Variants in XRCC1 observed in about 807,000 individuals in gnomAD.
XRCC1 encodes DNA repair protein XRCC1.
Under a neutral mutation model 83.3 loss-of-function variants are expected in XRCC1, and 52 were observed. The ratio of observed to expected loss-of-function variants is 0.62; its 90% CI spans 0.50 to 0.79. The LOEUF is 0.79. XRCC1 is among the 30% of genes least tolerant of loss of function. The pLI, the probability that XRCC1 is intolerant of heterozygous loss-of-function variation, is 0.00. For missense variants in XRCC1, 793 were observed against 823.5 expected (o/e 0.96, Z 0.45); for synonymous variants, 281 against 312.6 (o/e 0.90, Z 1.07).
chr19:43,570,293 T>TC (rs754063242), intron 2 of XRCC1, among the ~76,000 whole-genome samples: 4 of 152,190 alleles, frequency 2.6e-5, no homozygotes, highest in Non-Finnish European at 5.9e-5. Flanking sequence ...AAGCCACCCC[T>TC]CCAGCCCAGG....
intron 3 of XRCC1, among the ~76,000 whole-genome samples, chr19:43,558,181 A>C (rs570554948): frequency 6.6e-6 from 1 of 152,264 alleles, no homozygotes; most frequent in Admixed American, 6.5e-5. Context: ...CACACTGACT[A>C]GTGCAAAGTT....
chr19:43,565,734 G>A (rs1388866228), intron 2 of XRCC1, among the ~76,000 whole-genome samples: 6 of 151,948 alleles, frequency 3.9e-5, no homozygotes, highest in African/African-American at 9.7e-5. Context: ...CCAGGAGTTC[G>A]AGACCAGCCT....
chr19:43,551,464 T>C, intron 10 of XRCC1, 107 bp downstream of exon 10: 4 of 978,840 alleles, frequency 4.1e-6, no homozygotes, highest in Non-Finnish European at 6.3e-6. Context: ...GGCTCTGGGC[T>C]GGGACCACCT....
At chr19:43,550,072 G>GC (rs1236674346) in intron 10 of XRCC1, among the ~76,000 whole-genome samples, 1 of 151,942 alleles carries the variant, frequency 6.6e-6, no homozygotes, top group Non-Finnish European at 1.5e-5. Flanking sequence ...GCCTGCCCCT[G>GC]CCCCCATCAA....
In XRCC1 at chr19:43,575,409, G is replaced by A. The variant is rs981142785; in HGVS notation, c.50C>T (p.Ser17Leu). ...RHVVSCSSQDSTHCAENLLKA... is the reference protein window; with the variant it reads ...RHVVSCSSQDLTHCAENLLKA... ...ACCTCCCCCATGCAGGTCCCTCACCGAGTCCTGGCTGCTGCAGGACACGAC... is the reference window on the plus strand; with the variant it reads ...ACCTCCCCCATGCAGGTCCCTCACCAAGTCCTGGCTGCTGCAGGACACGAC... Residue 17 changes from serine to leucine, a missense_variant and splice_region_variant, in exon 1 of 17, where the codon TCG becomes TTG. Ser to Leu is a moderately radical substitution (Grantham distance 145). Transcript: ENST00000262887. 4 of 1,603,930 alleles carry A rather than the reference G, an allele frequency of 2.5e-6. No individual in the cohort carries two copies. Among genetic ancestry groups the A allele is most frequent in the Non-Finnish European group, 2.6e-6 (3 of 1,172,878 alleles).
intron 8 of XRCC1, 84 bp from the exon 9 acceptor site, chr19:43,552,359 C>A: frequency 9.6e-7 from 1 of 1,040,610 alleles, no homozygotes; most frequent in Non-Finnish European, 1.4e-6. Context: ...GCAGTCCAGG[C>A]CCCAGACCCT....
intron 3 of XRCC1, among the ~76,000 whole-genome samples, chr19:43,559,674 C>A (rs541258193): frequency 6.6e-6 from 1 of 152,112 alleles, no homozygotes; most frequent in East Asian, 1.9e-4. Flanking sequence ...AATCCCTGAA[C>A]CTGGAAATGT....
chr19:43,554,776 G>T lies in XRCC1; in HGVS notation c.284C>A (p.Ser95Tyr), dbSNP rs200146769. Residue 95 changes from serine to tyrosine, a missense_variant, in exon 4 of 17, where the codon TCC becomes TAC. By Grantham distance (144) the Ser-to-Tyr change is moderately radical. Transcript: ENST00000262887. Reference sequence around the variant, plus strand: ...TGAGCCACTGCGGCTCTCGGAAGGGGACATGAAAGATGAGGTGACCAGAAG... The same window carrying T: ...TGAGCCACTGCGGCTCTCGGAAGGGTACATGAAAGATGAGGTGACCAGAAG... Reference protein sequence around the residue: ...EVLLVTSSFMSPSESRSGSNP... With the variant: ...EVLLVTSSFMYPSESRSGSNP... The T allele has an allele frequency of 5.0e-6, 8 of 1,613,086 alleles. No homozygotes were observed. Among genetic ancestry groups the T allele is most frequent in the African/African-American group, 1.3e-5 (1 of 74,906 alleles).
At chr19:43,545,392 T>C (rs1487756769) in intron 14 of XRCC1, among the ~76,000 whole-genome samples, 1 of 152,182 alleles carries the variant, frequency 6.6e-6, no homozygotes, top group South Asian at 2.1e-4. Flanking sequence ...TGATGGCTGA[T>C]GTTAAAGCAG....
rs760991307 is a variant in XRCC1 at position 43,546,991 on chromosome 19, C to T, written c.1200-14G>A. ...GCCATGAGGTACCTAGGGGACAAATCGGGCCTCAGACAAACAGGCCCAAGG... is the reference window on the plus strand; with the variant it reads ...GCCATGAGGTACCTAGGGGACAAATTGGGCCTCAGACAAACAGGCCCAAGG... On this transcript the variant is annotated splice_polypyrimidine_tract_variant and intron_variant, in intron 10 of 16. Coordinates refer to ENST00000262887, the MANE Select transcript of XRCC1 (RefSeq NM_006297.3). The T allele has an allele frequency of 1.7e-5, 28 of 1,612,588 alleles. No individual in the cohort carries two copies. The Admixed American group carries it at 4.2e-4, about 24-fold the overall frequency.
intron 3 of XRCC1, among the ~76,000 whole-genome samples, chr19:43,558,384 C>T (rs1600053732): frequency 6.6e-6 from 1 of 151,734 alleles, no homozygotes; most frequent in East Asian, 1.9e-4. Context: ...ATGTGTAATC[C>T]TAGCACTTTG....
chr19:43,543,810 C>A lies in XRCC1; in HGVS notation c.1713-123G>T, dbSNP rs999823536. ...CCACCTATGCGCCTCTAGGTTGCCT[C>A]TAGGCTCCATTCTTTCATGTATCCA... On this transcript the variant is annotated intron_variant, in intron 15 of 16. Transcript: ENST00000262887. The A allele has an allele frequency of 4.8e-6, 4 of 841,942 alleles. No individual in the cohort carries two copies. The African/African-American group carries it at 6.8e-5, about 14-fold the overall frequency. The allele number at this position is 841,942 out of a possible 1,614,324, so 52.2% of individuals were successfully genotyped here.
chr19:43,566,303 T>C (rs1600058208), intron 2 of XRCC1, among the ~76,000 whole-genome samples: 3 of 147,588 alleles, frequency 2.0e-5, no homozygotes, highest in South Asian at 4.3e-4. Context: ...GAGGCAGAGG[T>C]TGGCAGATCA....
At chr19:43,563,635 C>A (rs2146064397) in intron 2 of XRCC1, among the ~76,000 whole-genome samples, 1 of 152,318 alleles carries the variant, frequency 6.6e-6, no homozygotes, top group East Asian at 1.9e-4. Flanking sequence ...ACCTCAGGGC[C>A]TCTGCACCTG....
chr19:43,551,980 A>G lies in XRCC1; in HGVS notation c.1082+37T>C, dbSNP rs376671447. On this transcript the variant is annotated intron_variant, in intron 9 of 16. Coordinates refer to ENST00000262887, the MANE Select transcript of XRCC1 (RefSeq NM_006297.3). ...GAGGAGACACAGGGAGCTGGGGGAG[A>G]AACTGCAGCGGCGCAGGGAGGGGGG... 31 of 1,607,546 alleles carry G rather than the reference A, an allele frequency of 1.9e-5. No homozygotes were observed. The African/African-American group carries it at 3.9e-4, about 20-fold the overall frequency.
At chr19:43,557,349 T>C (rs1446541703) in intron 3 of XRCC1, among the ~76,000 whole-genome samples, 1 of 151,292 alleles carries the variant, frequency 6.6e-6, no homozygotes, top group Non-Finnish European at 1.5e-5. Context: ...GCAGCCACTT[T>C]TGGTTGGGTA....
At chr19:43,551,434 G>C (rs1159250113) in intron 10 of XRCC1, 137 bp downstream of exon 10, 6 of 729,976 alleles carry the variant, frequency 8.2e-6, no homozygotes, top group Non-Finnish European at 1.4e-5. Context: ...CCCCTGCCCC[G>C]CTCCTCTCAG....
intron 3 of XRCC1, among the ~76,000 whole-genome samples, chr19:43,557,002 CA>C (rs1221729022): frequency 6.7e-6 from 1 of 148,900 alleles, no homozygotes; most frequent in East Asian, 2.0e-4. Flanking sequence ...AAGACTCTGC[CA>C]AAAAACAAAA....
Position 43,543,341 on chromosome 19 carries a change from C to CGTGTGTGTGTGT in XRCC1, c.*39_*50dup, listed in dbSNP as rs45592142. ...ACCAACTCATCTTTATTAAATGCATCGTGTGTGTGTGTGTGTGTGTGTGTG... is the reference window on the plus strand; with the variant it reads ...ACCAACTCATCTTTATTAAATGCATCGTGTGTGTGTGTGTGTGTGTGTGTGTGTGTGTGTGTG... On this transcript the variant is annotated 3_prime_UTR_variant, in exon 17 of 17. Coordinates refer to ENST00000262887, the MANE Select transcript of XRCC1 (RefSeq NM_006297.3). 1.3e-3 allele frequency: 1,398 copies of CGTGTGTGTGTGT among 1,044,202 alleles called. 2 individuals are homozygous for CGTGTGTGTGTGT. The highest frequency in any genetic ancestry group is 3.5e-3 in the African/African-American group (196 of 56,562). The allele number at this position is 1,044,202 out of a possible 1,614,324, so 64.7% of individuals were successfully genotyped here. A position where few individuals can be genotyped will look rare whatever the true frequency, so the allele number is the denominator to read the frequency against.
Sources: gnomAD v4.1 joint callset for allele counts (sites outside exome capture counted in the v4.1 genomes callset) on GRCh38, gnomAD v4.1.1 for gene constraint, MANE v1.5 for transcripts, NCBI Gene and HGNC (gene_info 2026-07-23, HGNC 2026-07-21) for gene names.